Variants in FAR2 observed in about 807,000 individuals in gnomAD.
FAR2 encodes the protein epididymis secretory protein Li 81.
A neutral mutation model predicts 56.0 loss-of-function variants in FAR2; 19 were observed. The ratio of observed to expected loss-of-function variants is 0.34; its 90% CI spans 0.24 to 0.50. The LOEUF (loss-of-function observed/expected upper bound fraction) is 0.50, where lower values mean the gene tolerates loss of function less well. FAR2 is among the 20% of genes least tolerant of loss of function. The pLI is 0.98. For missense variants in FAR2, 508 were observed against 642.2 expected (o/e 0.79, Z 2.26); for synonymous variants, 219 against 218.8 (o/e 1.00, Z -0.01).
At chr12:29,323,926 G>C (rs554062174) in intron 10 of FAR2, among the ~76,000 whole-genome samples, 36 of 152,298 alleles carry the variant, frequency 2.4e-4, no homozygotes, top group African/African-American at 8.4e-4. Flanking sequence ...AGAGAGGAAG[G>C]CTTCAGAAGA....
chr12:29,293,270 T>A (rs1226757097), intron 2 of FAR2, 30 bp from the exon 3 acceptor site: 15 of 1,474,724 alleles, frequency 1.0e-5, no homozygotes, highest in Non-Finnish European at 1.4e-5. Context: ...GGTGCTATTT[T>A]TTGTATATTG....
chr12:29,224,501 C>T (rs1947735180), intron 1 of FAR2, among the ~76,000 whole-genome samples: 3 of 152,178 alleles, frequency 2.0e-5, no homozygotes, highest in African/African-American at 7.2e-5. Flanking sequence ...AATTAAAACA[C>T]AAAACTTAAT....
At chr12:29,295,951 G>A (rs1337520452) in intron 3 of FAR2, among the ~76,000 whole-genome samples, 2 of 148,770 alleles carry the variant, frequency 1.3e-5, no homozygotes, top group East Asian at 3.9e-4. Flanking sequence ...TGTATTTTTA[G>A]TAGAGACGGG....
chr12:29,325,659 A>G (rs1311246025), intron 10 of FAR2, among the ~76,000 whole-genome samples: 2 of 152,248 alleles, frequency 1.3e-5, no homozygotes, highest in African/African-American at 4.8e-5. Flanking sequence ...TACTGGGTAC[A>G]TAACGAAATG....
At chr12:29,178,763 T>C (rs1172546547) in intron 1 of FAR2, among the ~76,000 whole-genome samples, 1 of 152,248 alleles carries the variant, frequency 6.6e-6, no homozygotes, top group Non-Finnish European at 1.5e-5. Flanking sequence ...AATATCTTCC[T>C]TTGCTGACAA....
At chr12:29,291,388 C>T (rs1328750124) in intron 2 of FAR2, 7 of 455,948 alleles carry the variant, frequency 1.5e-5, no homozygotes, top group African/African-American at 1.2e-4. Flanking sequence ...AATTTTTAAC[C>T]AGGTTCTTTG....
At chr12:29,150,980 G>A (rs2136568650) in intron 1 of FAR2, among the ~76,000 whole-genome samples, 1 of 152,290 alleles carries the variant, frequency 6.6e-6, no homozygotes, top group Non-Finnish European at 1.5e-5. Flanking sequence ...CAGAGGAAGA[G>A]GGAGAGGTTG....
intron 10 of FAR2, chr12:29,331,432 A>C (rs1214277738): frequency 1.3e-5 from 2 of 152,066 alleles, no homozygotes; most frequent in Non-Finnish European, 2.9e-5. Context: ...TATTGAACCA[A>C]ATCCACTCAC....
At chr12:29,276,276 T>C (rs985898283) in intron 2 of FAR2, among the ~76,000 whole-genome samples, 11 of 152,192 alleles carry the variant, frequency 7.2e-5, no homozygotes, top group Non-Finnish European at 1.5e-4. Context: ...TTAGGCTGTA[T>C]ACTAAGTTAT....
intron 2 of FAR2, among the ~76,000 whole-genome samples, chr12:29,276,799 T>C (rs1948708907): frequency 6.6e-6 from 1 of 151,624 alleles, no homozygotes; most frequent in South Asian, 2.1e-4. Flanking sequence ...ATTTTTTAAG[T>C]TATGGGGATG....
At chr12:29,212,895 C>T (rs375289858) in intron 1 of FAR2, among the ~76,000 whole-genome samples, 1 of 151,986 alleles carries the variant, frequency 6.6e-6, no homozygotes, top group South Asian at 2.1e-4. Flanking sequence ...AACAAGATAA[C>T]GTGTAAAATA....
intron 1 of FAR2, among the ~76,000 whole-genome samples, chr12:29,213,186 A>G (rs1012322099): frequency 1.3e-5 from 2 of 152,016 alleles, no homozygotes; most frequent in Non-Finnish European, 2.9e-5. Context: ...TCAAAGTGAC[A>G]AAGTTCAGCT....
intron 1 of FAR2, among the ~76,000 whole-genome samples, chr12:29,190,961 A>G (rs1950098428): frequency 6.6e-6 from 1 of 152,186 alleles, no homozygotes; most frequent in South Asian, 2.1e-4. Context: ...CTTCTGAAAT[A>G]CAATGTTCTG....
chr12:29,215,267 A>C (rs1392361341), intron 1 of FAR2, among the ~76,000 whole-genome samples: 1 of 152,256 alleles, frequency 6.6e-6, no homozygotes, highest in African/African-American at 2.4e-5. Flanking sequence ...AAGCTTTATT[A>C]AATTTAAAAA....
intron 1 of FAR2, among the ~76,000 whole-genome samples, chr12:29,187,248 C>T (rs2136603502): frequency 6.6e-6 from 1 of 152,192 alleles, no homozygotes; most frequent in South Asian, 2.1e-4. Context: ...CTCCTTCTGG[C>T]ATTCTTTCTT....
intron 1 of FAR2, among the ~76,000 whole-genome samples, chr12:29,171,224 G>A (rs1262895736): frequency 6.6e-6 from 1 of 152,160 alleles, no homozygotes; most frequent in Non-Finnish European, 1.5e-5. Context: ...CTTGCCCCAG[G>A]CACCCTCAGT....
chr12:29,279,988 A>G (rs1948762159), intron 2 of FAR2, among the ~76,000 whole-genome samples: 2 of 151,296 alleles, frequency 1.3e-5, no homozygotes, highest in Admixed American at 1.3e-4. Flanking sequence ...GGAGTGGCAC[A>G]ATCTCTGCTC....
intron 1 of FAR2, among the ~76,000 whole-genome samples, chr12:29,206,634 T>C (rs1947480085): frequency 6.6e-6 from 1 of 152,148 alleles, no homozygotes; most frequent in South Asian, 2.1e-4. Flanking sequence ...CTGCCTCTAA[T>C]TGGGGAATTA....
chr12:29,183,358 T>G (rs1369090583), intron 1 of FAR2, among the ~76,000 whole-genome samples: 1 of 152,154 alleles, frequency 6.6e-6, no homozygotes, highest in Non-Finnish European at 1.5e-5. Flanking sequence ...TATCAATGAC[T>G]CACAAACATA....
Sources: gnomAD v4.1 joint callset for allele counts (sites outside exome capture counted in the v4.1 genomes callset) on GRCh38, gnomAD v4.1.1 for gene constraint, MANE v1.5 for transcripts, NCBI Gene and HGNC (gene_info 2026-07-23, HGNC 2026-07-21) for gene names.